The following C16orf89 variants were observed in gnomAD, a reference collection of about 807,000 sequenced individuals.
C16orf89 encodes the protein UPF0764 protein C16orf89.
In C16orf89, 57 loss-of-function variants were observed where a neutral mutation model predicts 41.5. That is an observed-to-expected ratio of 1.38 (90% CI 1.11 to 1.71). The LOEUF is 1.71. Ranked by LOEUF, C16orf89 falls within the 40% of genes most tolerant of loss-of-function variation. The pLI is 0.00. For synonymous variants in C16orf89, 223 were observed against 190.6 expected, an observed-to-expected ratio of 1.17 and a Z score of -1.40; for missense variants, 575 against 445.9, an observed-to-expected ratio of 1.29 and a Z score of -2.61.
chr16:5,058,577 G>C lies in C16orf89; in HGVS notation c.543C>G (p.Asp181Glu). 1 of 1,612,582 alleles carries C rather than the reference G, an allele frequency of 6.2e-7. No homozygotes were observed. The highest frequency in any genetic ancestry group is 8.5e-7 in the Non-Finnish European group (1 of 1,179,870). The change falls in exon 4 of 8, where the codon GAC becomes GAG. Residue 181 changes from aspartate to glutamate, a missense_variant. Coordinates refer to ENST00000472572, the MANE Select transcript of C16orf89 (RefSeq NM_001098514.3). ...GCTTGGTCATGAGGCTCCTGCAGAG[G>C]TCTGAGAGGCCGCAGGGCTCGCTGC... ...TDSSEPCGLS[D>E]LCRSLMTKPG...
At chr16:5,055,698 G>A (rs1263397124) in intron 5 of C16orf89, 1 of 1,535,678 alleles carries the variant, frequency 6.5e-7, no homozygotes. Flanking sequence ...TGGTCCATCT[G>A]TGTAGAGCTC....
intron 7 of C16orf89, among the ~76,000 whole-genome samples, chr16:5,045,598 C>T (rs7205279): frequency 0.36 from 54,408 of 151,894 alleles, 10,898 homozygotes; most frequent in African/African-American, 0.56. Context: ...ACCCTGGCAG[C>T]TCATGCCTCT....
At chr16:5,060,945 CTTT>C (rs386384101) in intron 2 of C16orf89, among the ~76,000 whole-genome samples, 49 of 93,508 alleles carry the variant, frequency 5.2e-4, no homozygotes, top group African/African-American at 2.0e-3. Flanking sequence ...TATGATCAGC[CTTT>C]TTTTTTTTTT....
rs370716764 is a variant in C16orf89, at chr16:5,060,322, C to T, written c.473G>A (p.Arg158Lys). The change falls in exon 3 of 8, where the codon AGA (arginine) becomes AAA (lysine). Residue 158 changes from arginine to lysine, a missense_variant. Arg to Lys is a conservative substitution (Grantham distance 26). Transcript: ENST00000472572. ...FGPQDSFSEE[R>K]SDVCLVQLLG... is the part of the protein sequence containing the mutation. ...CAGCTGCACCAGGCACACGTCACTT[C>T]TCTCCTCTGAGAATGAGTCCTGGGG... is the stretch of plus-strand genomic sequence containing the variant. 1.9e-6 allele frequency: 3 copies of T among 1,612,582 alleles called. No individual in the cohort carries two copies. The Admixed American group carries it at 5.0e-5, about 27-fold the overall frequency.
intron 7 of C16orf89, among the ~76,000 whole-genome samples, chr16:5,047,617 G>A (rs1956322467): frequency 6.6e-6 from 1 of 152,028 alleles, no homozygotes; most frequent in South Asian, 2.1e-4. Flanking sequence ...ACAGGCGTGT[G>A]CCACCATGCC....
intron 6 of C16orf89, among the ~76,000 whole-genome samples, chr16:5,053,393 G>T (rs565490710): frequency 1.3e-5 from 2 of 151,936 alleles, no homozygotes; most frequent in East Asian, 1.9e-4. Context: ...GTGGAGTGTT[G>T]AATAGTGGTT....
At chr16:5,065,385 C>T (rs1367602991) in intron 1 of C16orf89, among the ~76,000 whole-genome samples, 1 of 152,216 alleles carries the variant, frequency 6.6e-6, no homozygotes, top group African/African-American at 2.4e-5. Context: ...TAACGGGGCA[C>T]TCTCCCTGCT....
In C16orf89 at chr16:5,058,603, T is replaced by C; in HGVS notation, c.517A>G (p.Ser173Gly). The C allele has an allele frequency of 8.1e-6, 13 of 1,610,602 alleles. No individual in the cohort carries two copies. Among genetic ancestry groups the C allele is most frequent in the Non-Finnish European group, 1.1e-5 (13 of 1,178,534 alleles). Residue 173 changes from serine (S) to glycine (G), a missense_variant, in exon 4 of 8, where the codon AGC becomes GGC. Physicochemically the swap from Ser to Gly is moderately conservative, Grantham distance 56. Transcript: ENST00000472572. ...TCTGAGAGGCCGCAGGGCTCGCTGC[T>C]GTCCGTCCTGGGGGAAAGTGGTTCC... Reference protein sequence around the residue: ...LVQLLGTGTDSSEPCGLSDLC... With the variant: ...LVQLLGTGTDGSEPCGLSDLC...
intron 6 of C16orf89, among the ~76,000 whole-genome samples, chr16:5,051,557 A>G (rs984475389): frequency 4.6e-5 from 7 of 152,224 alleles, no homozygotes; most frequent in Non-Finnish European, 8.8e-5. Flanking sequence ...AAGAGAACAC[A>G]CAAAAAATGA....
intron 5 of C16orf89, chr16:5,055,590 C>T: frequency 3.1e-6 from 4 of 1,282,576 alleles, no homozygotes; most frequent in Non-Finnish European, 4.3e-6. Context: ...AAGTCAGGAT[C>T]AGTGGAGGAG....
At chr16:5,060,690 G>A (rs1374242584) in intron 2 of C16orf89, among the ~76,000 whole-genome samples, 4 of 152,098 alleles carry the variant, frequency 2.6e-5, no homozygotes, top group African/African-American at 7.2e-5. Context: ...GCATCCCATG[G>A]AAACCCCAGA....
chr16:5,047,803 G>T, intron 7 of C16orf89, 75 bp downstream of exon 7: 1 of 860,658 alleles, frequency 1.2e-6, no homozygotes, highest in Non-Finnish European at 2.0e-6. Context: ...CCATAGCAGA[G>T]AATAAACACA....
At chr16:5,064,938 C>G (rs1248271018) in intron 1 of C16orf89, among the ~76,000 whole-genome samples, 2 of 152,212 alleles carry the variant, frequency 1.3e-5, no homozygotes. Context: ...TGAAGTACCC[C>G]ATGCAATGCA....
intron 5 of C16orf89, chr16:5,055,689 G>C (rs939643345): frequency 2.0e-6 from 3 of 1,535,294 alleles, no homozygotes; most frequent in South Asian, 2.4e-5. Flanking sequence ...CCAGTCACCT[G>C]GTCCATCTGT....
chr16:5,053,376 A>G (rs1956432669), intron 6 of C16orf89, among the ~76,000 whole-genome samples: 1 of 151,954 alleles, frequency 6.6e-6, no homozygotes, highest in Non-Finnish European at 1.5e-5. Flanking sequence ...TCTCTAAAAA[A>G]AAAGAAGTGG....
At chr16:5,051,414 C>G (rs1279463065) in intron 6 of C16orf89, among the ~76,000 whole-genome samples, 2 of 152,080 alleles carry the variant, frequency 1.3e-5, no homozygotes, top group Non-Finnish European at 1.5e-5. Flanking sequence ...CTACAATGAA[C>G]TAGCAGAAAA....
chr16:5,057,294 A>ATG (rs765586827), intron 4 of C16orf89, among the ~76,000 whole-genome samples: 15 of 98,694 alleles, frequency 1.5e-4, no homozygotes, highest in African/African-American at 4.8e-4. Flanking sequence ...ATATATGTGT[A>ATG]TATATATATA....
intron 7 of C16orf89, 52 bp from the exon 8 acceptor site, chr16:5,044,530 A>T: frequency 1.2e-6 from 2 of 1,607,596 alleles, no homozygotes; most frequent in Non-Finnish European, 1.7e-6. Flanking sequence ...TTGGCCCTTT[A>T]TTCAACACAG....
At chr16:5,057,703 ATT>A (rs1956539654) in intron 4 of C16orf89, among the ~76,000 whole-genome samples, 1 of 151,368 alleles carries the variant, frequency 6.6e-6, no homozygotes, top group Non-Finnish European at 1.5e-5. Context: ...TAATTTTTGT[ATT>A]TTTAGTAGAG....
Sources: gnomAD v4.1 joint callset for allele counts (sites outside exome capture counted in the v4.1 genomes callset) on GRCh38, gnomAD v4.1.1 for gene constraint, MANE v1.5 for transcripts, NCBI Gene and HGNC (gene_info 2026-07-23, HGNC 2026-07-21) for gene names.